The following NKAIN2 variants were observed in gnomAD, a reference collection of about 807,000 sequenced individuals.
NKAIN2 encodes sodium/potassium-transporting ATPase subunit beta-1-interacting protein 2.
Under a neutral mutation model 32.6 loss-of-function variants are expected in NKAIN2, and 14 were observed. The ratio of observed to expected loss-of-function variants is 0.43; its 90% confidence interval spans 0.28 to 0.67. The LOEUF is 0.67. NKAIN2 is among the 30% of genes least tolerant of loss of function. The probability of loss-of-function intolerance (pLI) is 0.17; values close to 1 mark genes in which losing one functional copy is unlikely to be tolerated. For missense variants in NKAIN2, 198 were observed against 258.3 expected (o/e 0.77, Z 1.60); for synonymous variants, 80 against 87.2 (o/e 0.92, Z 0.46).
At chr6:124,085,746 T>C (rs570824319) in intron 1 of NKAIN2, among the ~76,000 whole-genome samples, 3 of 152,064 alleles carry the variant, frequency 2.0e-5, no homozygotes, top group African/African-American at 4.8e-5. Context: ...AGATCTTATA[T>C]GTGAAGAGCT....
At chr6:123,935,722 G>A (rs1358469729) in intron 1 of NKAIN2, among the ~76,000 whole-genome samples, 1 of 151,994 alleles carries the variant, frequency 6.6e-6, no homozygotes, top group Non-Finnish European at 1.5e-5. Flanking sequence ...AGGTCTTTAA[G>A]TTCTAACAGA....
intron 4 of NKAIN2, among the ~76,000 whole-genome samples, chr6:124,711,922 G>A (rs1299729901): frequency 6.6e-6 from 1 of 152,074 alleles, no homozygotes; most frequent in African/African-American, 2.4e-5. Flanking sequence ...CAGTTTTTCT[G>A]TTCTGTTTTT....
At chr6:123,855,681 G>C (rs1425924008) in intron 1 of NKAIN2, among the ~76,000 whole-genome samples, 1 of 152,200 alleles carries the variant, frequency 6.6e-6, no homozygotes, top group Non-Finnish European at 1.5e-5. Context: ...AGACAGATAT[G>C]CTGGTGTTTT....
At chr6:124,423,015 C>A (rs1052794045) in intron 3 of NKAIN2, among the ~76,000 whole-genome samples, 1 of 152,086 alleles carries the variant, frequency 6.6e-6, no homozygotes, top group Non-Finnish European at 1.5e-5. Context: ...TACATTTTTG[C>A]AAGCTAGTCA....
chr6:124,741,840 T>A (rs1208141635), intron 4 of NKAIN2, among the ~76,000 whole-genome samples: 1 of 151,886 alleles, frequency 6.6e-6, no homozygotes, highest in East Asian at 1.9e-4. Flanking sequence ...CCTTAGAACA[T>A]AAATCATAAA....
chr6:123,952,556 A>T (rs1327245407), intron 1 of NKAIN2, among the ~76,000 whole-genome samples: 3 of 152,186 alleles, frequency 2.0e-5, no homozygotes, highest in Admixed American at 6.5e-5. Flanking sequence ...CACATGTCAC[A>T]TAGGCTTTGT....
chr6:123,982,979 AC>A (rs779549224), intron 1 of NKAIN2, among the ~76,000 whole-genome samples: 6 of 78,346 alleles, frequency 7.7e-5, no homozygotes, highest in Non-Finnish European at 1.5e-4. Context: ...TTTCCTTACC[AC>A]CCCCACCCCC....
chr6:124,052,519 A>G (rs892349963), intron 1 of NKAIN2, among the ~76,000 whole-genome samples: 1 of 152,100 alleles, frequency 6.6e-6, no homozygotes, highest in African/African-American at 2.4e-5. Context: ...CCTACTCAAT[A>G]CTACTCTGTT....
chr6:124,341,447 T>A (rs1185610795), intron 2 of NKAIN2, among the ~76,000 whole-genome samples: 1 of 152,166 alleles, frequency 6.6e-6, no homozygotes, highest in Non-Finnish European at 1.5e-5. Flanking sequence ...GATGATTACA[T>A]TAAATATGGC....
chr6:124,585,063 T>C (rs1781663732), intron 3 of NKAIN2, among the ~76,000 whole-genome samples: 2 of 152,284 alleles, frequency 1.3e-5, no homozygotes, highest in Admixed American at 1.3e-4. Flanking sequence ...AACCTAAGTG[T>C]CCATCAGCAG....
At chr6:123,895,602 T>C (rs1251485935) in intron 1 of NKAIN2, among the ~76,000 whole-genome samples, 2 of 152,190 alleles carry the variant, frequency 1.3e-5, no homozygotes, top group Admixed American at 1.3e-4. Flanking sequence ...GAAATGTGGA[T>C]GCTTAGACAA....
At chr6:124,536,199 C>T (rs556531328) in intron 3 of NKAIN2, among the ~76,000 whole-genome samples, 1 of 152,204 alleles carries the variant, frequency 6.6e-6, no homozygotes, top group Non-Finnish European at 1.5e-5. Flanking sequence ...AAAATGTAGA[C>T]ATGAAATGGT....
intron 1 of NKAIN2, among the ~76,000 whole-genome samples, chr6:123,858,978 CAT>C (rs1049634119): frequency 6.6e-5 from 10 of 152,212 alleles, no homozygotes; most frequent in Admixed American, 3.3e-4. Flanking sequence ...CATATATTGA[CAT>C]ATGTGTGTTT....
intron 3 of NKAIN2, among the ~76,000 whole-genome samples, chr6:124,622,649 T>A (rs1217372710): frequency 1.3e-5 from 2 of 152,088 alleles, no homozygotes; most frequent in African/African-American, 4.8e-5. Flanking sequence ...ATGCGAGATA[T>A]TATTGAGTAG....
intron 1 of NKAIN2, among the ~76,000 whole-genome samples, chr6:124,092,526 C>CTAGA (rs1220784883): frequency 6.6e-6 from 1 of 151,934 alleles, no homozygotes; most frequent in Non-Finnish European, 1.5e-5. Context: ...TTGTGGGGCA[C>CTAGA]TAGATGTTAG....
At chr6:124,071,903 G>T (rs949603049) in intron 1 of NKAIN2, among the ~76,000 whole-genome samples, 2 of 152,142 alleles carry the variant, frequency 1.3e-5, no homozygotes, top group Non-Finnish European at 2.9e-5. Context: ...CAGCCACGTT[G>T]AAAGCAGTTT....
chr6:123,918,724 G>A (rs900637163), intron 1 of NKAIN2, among the ~76,000 whole-genome samples: 10 of 152,072 alleles, frequency 6.6e-5, no homozygotes, highest in African/African-American at 9.7e-5. Context: ...GAGAAAGACT[G>A]GCCTTCCTTA....
chr6:124,632,039 C>T (rs1167244055), intron 3 of NKAIN2, among the ~76,000 whole-genome samples: 1 of 152,066 alleles, frequency 6.6e-6, no homozygotes, highest in Non-Finnish European at 1.5e-5. Flanking sequence ...ACAAAATTGA[C>T]ATATAAATTA....
chr6:124,338,770 C>CA lies in NKAIN2; in HGVS notation c.193-16488dup, dbSNP rs199676610. Among the ~76,000 whole-genome samples the CA allele has an allele frequency of 2.0e-3, 300 of 151,122 alleles. 8 individuals carry two copies. The East Asian group carries it at 0.051, about 25-fold the overall frequency. Reference sequence around the variant, plus strand: ...ACAGTAATTACATCAGCCAAATAACCAAAAAAAAATTTTCTATTTGCATGC... The same window carrying CA: ...ACAGTAATTACATCAGCCAAATAACCAAAAAAAAAATTTTCTATTTGCATGC... On this transcript the variant is annotated intron_variant, in intron 2 of 6. Coordinates refer to ENST00000368417, the MANE Select transcript of NKAIN2 (RefSeq NM_001040214.3).
Sources: allele counts gnomAD v4.1 joint callset (sites outside exome capture counted in the v4.1 genomes callset), GRCh38; gene constraint gnomAD v4.1.1; transcripts MANE v1.5; gene names NCBI Gene and HGNC (gene_info 2026-07-23, HGNC 2026-07-21).